FAM171A1: variants seen among roughly 807,000 people sequenced by gnomAD.
The protein encoded by FAM171A1 is family with sequence similarity 171 member A1.
A neutral mutation model predicts 74.9 loss-of-function variants in FAM171A1; 23 were observed. That is an observed-to-expected ratio of 0.31 (90% CI 0.22 to 0.44). FAM171A1 has a LOEUF of 0.44. Among genes scored for constraint, FAM171A1 ranks in the 20% least tolerant of loss-of-function variants. The pLI is 1.00. For missense variants in FAM171A1, 1,162 were observed against 1,159.2 expected (o/e 1.00, Z -0.03); for synonymous variants, 527 against 505.7 (o/e 1.04, Z -0.57).
intron 1 of FAM171A1, among the ~76,000 whole-genome samples, chr10:15,308,618 C>G (rs993677894): frequency 4.6e-5 from 7 of 152,014 alleles, no homozygotes; most frequent in African/African-American, 1.7e-4. Context: ...GCACTCCAGC[C>G]TGGGCAACAA....
At chr10:15,254,003 G>A (rs894216006) in intron 4 of FAM171A1, among the ~76,000 whole-genome samples, 17 of 152,226 alleles carry the variant, frequency 1.1e-4, no homozygotes, top group Admixed American at 1.3e-4. Context: ...GCTGTGGCAT[G>A]CCAGAATAGT....
intron 1 of FAM171A1, among the ~76,000 whole-genome samples, chr10:15,313,750 A>C (rs1835390938): frequency 6.6e-6 from 1 of 152,236 alleles, no homozygotes; most frequent in African/African-American, 2.4e-5. Flanking sequence ...GAATAATGCC[A>C]TTCACGGTTC....
At chr10:15,313,979 C>T (rs1588548851) in intron 1 of FAM171A1, among the ~76,000 whole-genome samples, 1 of 152,204 alleles carries the variant, frequency 6.6e-6, no homozygotes, top group Admixed American at 6.5e-5. Flanking sequence ...TGCAAGGCAA[C>T]GACGGGATCT....
intron 1 of FAM171A1, among the ~76,000 whole-genome samples, chr10:15,305,664 T>TAAAAA (rs59843893): frequency 0.23 from 12,226 of 52,720 alleles, 2,881 homozygotes; most frequent in African/African-American, 0.3. Context: ...GAGATCTGGC[T>TAAAAA]AAAAAAAAAA....
At chr10:15,311,383 C>G (rs748800359) in intron 1 of FAM171A1, among the ~76,000 whole-genome samples, 13 of 152,228 alleles carry the variant, frequency 8.5e-5, no homozygotes, top group Non-Finnish European at 1.5e-4. Context: ...GCCTATATTC[C>G]CTTTTAGTTA....
At chr10:15,319,751 C>T (rs1409118322) in intron 1 of FAM171A1, among the ~76,000 whole-genome samples, 2 of 152,056 alleles carry the variant, frequency 1.3e-5, no homozygotes, top group Non-Finnish European at 2.9e-5. Flanking sequence ...GATTTTGAAC[C>T]TAGACCTTCT....
At chr10:15,315,512 G>A (rs1032004059) in intron 1 of FAM171A1, among the ~76,000 whole-genome samples, 1 of 152,172 alleles carries the variant, frequency 6.6e-6, no homozygotes, top group African/African-American at 2.4e-5. Flanking sequence ...ACTGCAGAGC[G>A]TGCCTGTGAC....
At chr10:15,300,544 C>G (rs1019767944) in intron 1 of FAM171A1, among the ~76,000 whole-genome samples, 3 of 151,850 alleles carry the variant, frequency 2.0e-5, no homozygotes, top group Non-Finnish European at 4.4e-5. Context: ...TTTGGTGAAA[C>G]AAAATCTCCA....
In FAM171A1 at chr10:15,248,669, C is replaced by G; in HGVS notation, c.724G>C (p.Val242Leu). ...TTCTGGTCAAACCGCCACGCCGCGA[C>G]ATAGGCATTGTGCCTCAGGCTGCTC... ...TQSSLRHNAY[V>L]AAWRFDQKLG... Residue 242 changes from valine (V) to leucine (L), a missense_variant, in exon 5 of 8, where the codon GTC becomes CTC. Transcript: ENST00000378116. 1 of 1,611,188 alleles carries G rather than the reference C, an allele frequency of 6.2e-7. No homozygotes were observed.
Position 15,213,991 on chromosome 10 carries a change from C to G in FAM171A1, c.1597G>C (p.Asp533His). ...ATCATACATTCAGTGGGTCTGCGGT[C>G]CAGCAGCTGTTCTTTCTCAGGTGAT... The part of the protein sequence containing the change: ...PSSPEKEQLL[D>H]RRPTECMMSR... The change falls in exon 8 of 8, where the codon GAC (aspartate) becomes CAC (histidine). Residue 533 changes from aspartate to histidine, a missense_variant. Physicochemically the swap from Asp to His is moderately conservative, Grantham distance 81 (BLOSUM62 -1). Transcript: ENST00000378116. This position sits in a 1 kb window ranked among gnomAD's most constrained non-coding sequence, Gnocchi z 6.8. 6.2e-7 allele frequency: 1 copy of G among 1,614,136 alleles called. No homozygotes were observed. The highest frequency in any genetic ancestry group is 8.5e-7 in the Non-Finnish European group (1 of 1,180,034).
chr10:15,371,526 G>T (rs1006251832), upstream of FAM171A1, among the ~76,000 whole-genome samples: 7 of 152,138 alleles, frequency 4.6e-5, no homozygotes, highest in Non-Finnish European at 1.0e-4. Flanking sequence ...CACCCAAGGG[G>T]CCGCAGGAGA....
chr10:15,299,487 T>C (rs1167163661), intron 1 of FAM171A1, among the ~76,000 whole-genome samples: 1 of 128,600 alleles, frequency 7.8e-6, no homozygotes, highest in African/African-American at 2.5e-5. Context: ...TTTTTGTTTT[T>C]GTTTTTTTTG....
At chr10:15,340,591 G>A (rs4750622) in intron 1 of FAM171A1, among the ~76,000 whole-genome samples, 62,675 of 151,942 alleles carry the variant, frequency 0.41, 13,512 homozygotes, top group East Asian at 0.79. Context: ...ACACCTTCAC[G>A]CACTGTGAGC....
chr10:15,257,972 A>C (rs1834602456), intron 3 of FAM171A1, among the ~76,000 whole-genome samples: 2 of 152,284 alleles, frequency 1.3e-5, no homozygotes, highest in South Asian at 4.1e-4. Flanking sequence ...GTAGGGCTCC[A>C]TCCCCATCCC....
At chr10:15,337,100 T>G (rs539522256) in intron 1 of FAM171A1, among the ~76,000 whole-genome samples, 9 of 151,980 alleles carry the variant, frequency 5.9e-5, no homozygotes, top group African/African-American at 2.2e-4. Flanking sequence ...AGAATGGCCT[T>G]GAACTCCTGG....
intron 1 of FAM171A1, among the ~76,000 whole-genome samples, chr10:15,365,011 G>A (rs1836041651): frequency 6.6e-6 from 1 of 150,728 alleles, no homozygotes; most frequent in African/African-American, 2.4e-5. Flanking sequence ...GTCACATACG[G>A]TTCCAGGGAT....
At chr10:15,345,843 AG>A (rs1165616704) in intron 1 of FAM171A1, among the ~76,000 whole-genome samples, 1 of 152,184 alleles carries the variant, frequency 6.6e-6, no homozygotes, top group Non-Finnish European at 1.5e-5. Flanking sequence ...AAGCCTAGAG[AG>A]GCCCCTGCCG....
intron 3 of FAM171A1, among the ~76,000 whole-genome samples, chr10:15,263,656 G>A (rs1219618029): frequency 6.6e-6 from 1 of 152,102 alleles, no homozygotes; most frequent in African/African-American, 2.4e-5. Flanking sequence ...TCCTAAGACA[G>A]TCCTGGCTGG....
chr10:15,335,165 G>A (rs2131863974), intron 1 of FAM171A1, among the ~76,000 whole-genome samples: 1 of 152,234 alleles, frequency 6.6e-6, no homozygotes, highest in Non-Finnish European at 1.5e-5. Context: ...GATTGCTTGA[G>A]CCCAGGAGGT....
Sources: gnomAD v4.1 joint callset for allele counts (sites outside exome capture counted in the v4.1 genomes callset) on GRCh38, gnomAD v4.1.1 for gene constraint, Gnocchi (gnomAD v3.1) non-coding constraint, MANE v1.5 for transcripts, NCBI Gene and HGNC (gene_info 2026-07-23, HGNC 2026-07-21) for gene names.